CECR2: variants seen among roughly 807,000 people sequenced by gnomAD.
The protein encoded by CECR2 is CECR2 histone acetyl-lysine reader.
CECR2 carries 30 observed loss-of-function variants against 154.5 expected under a neutral mutation model. The observed-to-expected ratio is 0.19, with a 90% confidence interval of 0.15 to 0.26. The LOEUF (loss-of-function observed/expected upper bound fraction) is 0.26. Ranked by LOEUF, CECR2 falls within the 10% of genes least tolerant of loss-of-function variation. The pLI, the probability that CECR2 is intolerant of heterozygous loss-of-function variation, is 1.00. For missense variants in CECR2, 1,743 were observed against 1,829.3 expected (o/e 0.95, Z 0.86); for synonymous variants, 725 against 683.7 (o/e 1.06, Z -0.94).
chr22:17,477,897 T>C lies in CECR2; in HGVS notation c.221+215T>C, dbSNP rs777078739. ...CATAATCTTTGAGTTTATTTCATTC[T>C]CACAAATCCATATCACTTACTCTTG... On this transcript the variant is annotated intron_variant, in intron 2 of 18. Transcript: ENST00000262608. Among the ~76,000 whole-genome samples, 15 of 152,234 alleles carry C rather than the reference T, an allele frequency of 9.9e-5. 1 individual carries two copies. Among genetic ancestry groups the C allele is most frequent in the Non-Finnish European group, 1.5e-4 (10 of 68,040 alleles).
At chr22:17,499,343 G>A (rs550020322) in intron 3 of CECR2, 67 bp from the exon 4 acceptor site, 147 of 1,553,756 alleles carry the variant, frequency 9.5e-5, no homozygotes, top group Non-Finnish European at 1.1e-4. Flanking sequence ...TGGAATCCTC[G>A]TTCTGGTTTT....
intron 1 of CECR2, among the ~76,000 whole-genome samples, chr22:17,438,743 CTGTCATAAGGTA>C (rs2054543008): frequency 6.6e-6 from 1 of 152,104 alleles, no homozygotes; most frequent in Non-Finnish European, 1.5e-5. Flanking sequence ...TTGAACAACC[CTGTCATAAGGTA>C]TGTCATTATT....
intron 1 of CECR2, among the ~76,000 whole-genome samples, chr22:17,430,405 T>C (rs112197755): frequency 2.6e-5 from 4 of 152,180 alleles, no homozygotes; most frequent in African/African-American, 9.7e-5. Flanking sequence ...GGCACACTTA[T>C]TCTACCCCCT....
intron 1 of CECR2, among the ~76,000 whole-genome samples, chr22:17,407,006 C>T (rs1209895238): frequency 6.6e-6 from 1 of 152,078 alleles, no homozygotes; most frequent in Non-Finnish European, 1.5e-5. Context: ...GTATAAGAAG[C>T]ATTTAAGTAC....
intron 1 of CECR2, among the ~76,000 whole-genome samples, chr22:17,375,463 C>T (rs1191315857): frequency 4.6e-5 from 7 of 152,022 alleles, no homozygotes; most frequent in African/African-American, 1.2e-4. Context: ...TACTAGGTGC[C>T]GATATGGTTG....
chr22:17,425,556 T>G (rs763437741), intron 1 of CECR2, among the ~76,000 whole-genome samples: 1 of 152,134 alleles, frequency 6.6e-6, no homozygotes, highest in African/African-American at 2.4e-5. Flanking sequence ...ACTGAGCAAA[T>G]ACATCTAAAT....
intron 1 of CECR2, among the ~76,000 whole-genome samples, chr22:17,433,934 C>G (rs1210957357): frequency 6.6e-6 from 1 of 151,388 alleles, no homozygotes; most frequent in Non-Finnish European, 1.5e-5. Context: ...CAATGGGGAG[C>G]GAATCTAAAA....
intron 2 of CECR2, among the ~76,000 whole-genome samples, chr22:17,490,415 A>G (rs1376009846): frequency 6.6e-6 from 1 of 151,428 alleles, no homozygotes; most frequent in Non-Finnish European, 1.5e-5. Flanking sequence ...ATCATTTTCT[A>G]TCCTTTTAAT....
intron 1 of CECR2, among the ~76,000 whole-genome samples, chr22:17,424,034 C>T (rs2054295563): frequency 1.3e-5 from 2 of 152,132 alleles, no homozygotes; most frequent in South Asian, 4.1e-4. Context: ...TATTCAGAGC[C>T]TATAGCTCTT....
intron 9 of CECR2, 106 bp from the exon 10 acceptor site, chr22:17,536,997 T>C: frequency 1.4e-6 from 2 of 1,383,624 alleles, no homozygotes; most frequent in Non-Finnish European, 2.0e-6. Context: ...TGCTTCATAA[T>C]CCTGCTTTGG....
chr22:17,541,692 G>GT, intron 14 of CECR2, 147 bp from the exon 15 acceptor site: 1 of 868,612 alleles, frequency 1.2e-6, no homozygotes. Context: ...GGGTGAGCAC[G>GT]TGTGTTCACA....
intron 2 of CECR2, among the ~76,000 whole-genome samples, chr22:17,491,732 T>TA (rs929197962): frequency 1.3e-5 from 2 of 152,136 alleles, no homozygotes; most frequent in African/African-American, 2.4e-5. Flanking sequence ...TAGGTTCCAT[T>TA]AAAAAAATAG....
Position 17,553,088 on chromosome 22 carries a change from A to G in CECR2, c.*248A>G. On this transcript the variant is annotated 3_prime_UTR_variant, in exon 19 of 19. Transcript: ENST00000262608. The stretch of plus-strand genomic sequence containing the variant: ...GCACAGCTGATGTAGACAGTCAGGC[A>G]AAACTAATGAACGTGGAGTTAATGA... 1.4e-6 allele frequency: 1 copy of G among 733,198 alleles called. No homozygotes were observed. Among genetic ancestry groups the G allele is most frequent in the Non-Finnish European group, 1.9e-6 (1 of 529,844 alleles). 45.4% of individuals were successfully genotyped at this position (733,198 alleles called of 1,614,324 possible). A position where few individuals can be genotyped will look rare whatever the true frequency, so the allele number is the denominator to read the frequency against.
chr22:17,452,952 G>C (rs1188914862), intron 1 of CECR2, among the ~76,000 whole-genome samples: 1 of 152,040 alleles, frequency 6.6e-6, no homozygotes, highest in Non-Finnish European at 1.5e-5. Flanking sequence ...GTGGAAGCAG[G>C]AGTCTTTCTC....
intron 1 of CECR2, among the ~76,000 whole-genome samples, chr22:17,406,622 C>T (rs1234883696): frequency 2.6e-5 from 4 of 151,416 alleles, no homozygotes; most frequent in African/African-American, 9.7e-5. Context: ...ACTTCTTTAT[C>T]TTTTAATACA....
At chr22:17,469,378 C>A (rs1053938874) in intron 1 of CECR2, among the ~76,000 whole-genome samples, 4 of 152,160 alleles carry the variant, frequency 2.6e-5, no homozygotes, top group African/African-American at 7.2e-5. Flanking sequence ...TCAACACACA[C>A]CACCCTTCTA....
In CECR2 at chr22:17,549,465, A is replaced by T; in HGVS notation, c.4178A>T (p.Gln1393Leu). 6.2e-7 allele frequency: 1 copy of T among 1,611,612 alleles called. No individual in the cohort carries two copies. The highest frequency in any genetic ancestry group is 8.5e-7 in the Non-Finnish European group (1 of 1,178,814). Reference protein sequence around the residue: ...LSQEGPIYRCQEEGLGHFQAV... With the variant: ...LSQEGPIYRCLEEGLGHFQAV... ...CAGGAGGGTCCCATCTATCGCTGCCAGGAAGAAGGCCTGGGTCACTTTCAA... is the reference window on the plus strand; with the variant it reads ...CAGGAGGGTCCCATCTATCGCTGCCTGGAAGAAGGCCTGGGTCACTTTCAA... Residue 1393 changes from glutamine to leucine, a missense_variant, in exon 17 of 19, where the codon CAG (glutamine) becomes CTG (leucine). Physicochemically the swap from Gln to Leu is moderately radical, Grantham distance 113. Coordinates refer to ENST00000262608, the MANE Select transcript of CECR2 (RefSeq NM_001290047.2).
At chr22:17,421,477 T>C (rs1312475047) in intron 1 of CECR2, among the ~76,000 whole-genome samples, 1 of 151,196 alleles carries the variant, frequency 6.6e-6, no homozygotes, top group Admixed American at 6.6e-5. Flanking sequence ...TAGTCGGGTG[T>C]AGTGGCGGGC....
intron 2 of CECR2, 50 bp from the exon 3 acceptor site, chr22:17,497,353 C>A: frequency 6.6e-7 from 1 of 1,523,474 alleles, no homozygotes; most frequent in South Asian, 1.2e-5. Context: ...TTCTCCCAAC[C>A]AACCTATATT....
Sources: gnomAD v4.1 joint callset for allele counts (sites outside exome capture counted in the v4.1 genomes callset) on GRCh38, gnomAD v4.1.1 for gene constraint, MANE v1.5 for transcripts, NCBI Gene and HGNC (gene_info 2026-07-23, HGNC 2026-07-21) for gene names.